Variants in PCBP3 observed in about 807,000 individuals in gnomAD.
PCBP3 encodes poly(rC) binding protein 3.
A neutral mutation model predicts 52.7 loss-of-function variants in PCBP3; 25 were observed. The observed-to-expected ratio is 0.47, with a 90% CI of 0.35 to 0.66. PCBP3 has a LOEUF of 0.66. Ranked by LOEUF, PCBP3 falls within the 30% of genes least tolerant of loss-of-function variation. The pLI, the probability that PCBP3 is intolerant of heterozygous loss-of-function variation, is 0.01. For missense variants in PCBP3, 391 were observed against 490.3 expected, an observed-to-expected ratio of 0.80 and a Z score of 1.91; for synonymous variants, 162 against 183.0, an observed-to-expected ratio of 0.89 and a Z score of 0.93.
At chr21:45,803,820 T>C (rs964277765) in intron 4 of PCBP3, among the ~76,000 whole-genome samples, 2 of 152,182 alleles carry the variant, frequency 1.3e-5, no homozygotes, top group Non-Finnish European at 2.9e-5. Context: ...GCTGCCATAG[T>C]CAGGCCTCGG....
intron 4 of PCBP3, among the ~76,000 whole-genome samples, chr21:45,811,658 G>C (rs1176561053): frequency 6.6e-6 from 1 of 152,174 alleles, no homozygotes; most frequent in South Asian, 2.1e-4. Flanking sequence ...CACCAGCTTT[G>C]TCTGGTATTG....
rs530032037 is a variant in PCBP3 at position 45,921,596 on chromosome 21, G to C, written c.717+3967G>C. On this transcript the variant is annotated intron_variant, in intron 13 of 17. Transcript: ENST00000681687. ...TTTGGGAGGCTGAGGCAGGTGGATC[G>C]CTTGAGCTCAGGAGTTTGAGACAAG... Among the ~76,000 whole-genome samples the C allele has an allele frequency of 1.4e-4, 22 of 152,298 alleles. 1 individual carries two copies. The East Asian group carries it at 4.1e-3, about 28-fold the overall frequency.
chr21:45,798,172 T>C (rs2092093886), intron 4 of PCBP3, among the ~76,000 whole-genome samples: 1 of 149,538 alleles, frequency 6.7e-6, no homozygotes, highest in South Asian at 2.1e-4. Flanking sequence ...CATGGATCCA[T>C]AGAGAGAGTG....
At chr21:45,906,890 G>A (rs1429355433) in intron 9 of PCBP3, among the ~76,000 whole-genome samples, 1 of 152,242 alleles carries the variant, frequency 6.6e-6, no homozygotes, top group East Asian at 1.9e-4. Context: ...AAACACGGCG[G>A]GTGATTTGAA....
intron 2 of PCBP3, among the ~76,000 whole-genome samples, chr21:45,722,670 A>C (rs1211511787): frequency 6.6e-6 from 1 of 152,172 alleles, no homozygotes; most frequent in Non-Finnish European, 1.5e-5. Context: ...ACACTTTCTT[A>C]GCAAAAATGT....
At position 45,781,781 on chromosome 21, in the gene PCBP3, A is replaced by G. The variant is rs558277145; in HGVS notation, c.-126+26329A>G. Among the ~76,000 whole-genome samples the G allele has an allele frequency of 3.3e-5, 5 of 152,370 alleles. No individual in the cohort carries two copies. In the South Asian group the frequency reaches 1.0e-3, roughly 32 times the overall value. On this transcript the variant is annotated intron_variant, in intron 4 of 17. Coordinates refer to ENST00000681687, the MANE Select transcript of PCBP3 (RefSeq NM_001384156.1). The stretch of plus-strand genomic sequence containing the variant: ...ATGGAATACTGAGTGAAGTGTATCC[A>G]TATAGGTGTGTACATATGTTAAAAC...
chr21:45,911,242 T>C (rs2096385823), intron 11 of PCBP3: 1 of 653,468 alleles, frequency 1.5e-6, no homozygotes, highest in African/African-American at 1.8e-5. Context: ...AGTGTCTTCG[T>C]GGGGGCGTCT....
chr21:45,823,489 C>T (rs1248699916), intron 4 of PCBP3, among the ~76,000 whole-genome samples: 3 of 152,156 alleles, frequency 2.0e-5, no homozygotes, highest in African/African-American at 7.2e-5. Context: ...TGCAGATTCC[C>T]TTTCATGTCC....
chr21:45,899,281 C>G (rs1231755872), intron 6 of PCBP3, among the ~76,000 whole-genome samples: 1 of 152,188 alleles, frequency 6.6e-6, no homozygotes, highest in Non-Finnish European at 1.5e-5. Flanking sequence ...AGCCTGAGTG[C>G]ATGGGTGATG....
At chr21:45,890,904 T>C (rs1185811855) in intron 5 of PCBP3, among the ~76,000 whole-genome samples, 15 of 146,224 alleles carry the variant, frequency 1.0e-4, no homozygotes, top group Admixed American at 1.0e-3. Flanking sequence ...CTGAGGGGAA[T>C]GTAGATAATA....
intron 4 of PCBP3, among the ~76,000 whole-genome samples, chr21:45,789,412 G>A (rs1022330882): frequency 5.9e-5 from 9 of 151,566 alleles, no homozygotes; most frequent in Non-Finnish European, 1.0e-4. Context: ...GTTTGTGATC[G>A]TGTCTTTTCA....
intron 16 of PCBP3, among the ~76,000 whole-genome samples, chr21:45,939,340 C>T (rs1331816405): frequency 1.3e-5 from 2 of 152,242 alleles, no homozygotes; most frequent in African/African-American, 4.8e-5. Flanking sequence ...CGACGCCCCT[C>T]ATGGCTGCCC....
chr21:45,902,312 C>T lies in PCBP3; in HGVS notation c.339+1199C>T, dbSNP rs113954007. 1.0e-3 allele frequency among the ~76,000 whole-genome samples: 54 copies of T among 52,932 alleles called. No homozygotes were observed. The African/African-American group carries it at 0.011, about 11-fold the overall frequency. 34.7% of individuals were successfully genotyped at this position (52,932 alleles called of 152,430 possible). On this transcript the variant is annotated intron_variant, in intron 9 of 17. Coordinates refer to ENST00000681687, the MANE Select transcript of PCBP3 (RefSeq NM_001384156.1). The stretch of plus-strand genomic sequence containing the variant: ...AGGTGGCCTGGCCTCCAAGGCTGGA[C>T]GCTGCAGACACTGGGGCCAGTGTTC...
intron 1 of PCBP3, among the ~76,000 whole-genome samples, chr21:45,667,022 C>A (rs2080841424): frequency 6.7e-6 from 1 of 148,248 alleles, no homozygotes; most frequent in South Asian, 2.1e-4. Flanking sequence ...TTCATATATT[C>A]TTTGTACCCC....
chr21:45,715,982 AATTT>A (rs1247798265), intron 2 of PCBP3, among the ~76,000 whole-genome samples: 2 of 152,128 alleles, frequency 1.3e-5, no homozygotes, highest in East Asian at 3.9e-4. Context: ...TTTTAAGCCC[AATTT>A]ATTTATTTTT....
chr21:45,691,523 T>A (rs1212129995), intron 2 of PCBP3, among the ~76,000 whole-genome samples: 1 of 150,484 alleles, frequency 6.6e-6, no homozygotes, highest in East Asian at 1.9e-4. Context: ...ATAGATGAAT[T>A]TGATTGTACA....
At position 45,791,151 on chromosome 21, in the gene PCBP3, A is replaced by C. The variant is rs539644006; in HGVS notation, c.-126+35699A>C. ...TCCATCCCAGGAAGCCCCTCACAACAAGGCTGTGTTGGTCGTCAGCCCAGC... is the reference window on the plus strand; with the variant it reads ...TCCATCCCAGGAAGCCCCTCACAACCAGGCTGTGTTGGTCGTCAGCCCAGC... On this transcript the variant is annotated intron_variant, in intron 4 of 17. Transcript: ENST00000681687. The surrounding 1 kb of genome is among the most constrained non-coding windows in gnomAD (Gnocchi z 4.2). Among the ~76,000 whole-genome samples, 5 of 152,252 alleles carry C rather than the reference A, an allele frequency of 3.3e-5. No individual in the cohort carries two copies. In the East Asian group the frequency reaches 9.7e-4, roughly 29 times the overall value.
intron 2 of PCBP3, among the ~76,000 whole-genome samples, chr21:45,703,897 CAT>C (rs2083284800): frequency 6.6e-6 from 1 of 152,118 alleles, no homozygotes; most frequent in Non-Finnish European, 1.5e-5. Context: ...GCAGTTGTCA[CAT>C]GAGGTTGCAG....
At position 45,736,592 on chromosome 21, in the gene PCBP3, C is replaced by T. The variant is rs1179909947; in HGVS notation, c.-162+1163C>T. ...TCGGAGAGATGGCATGGGGAGTTGG[C>T]AGGGGGAGGCTCTCGGAGAGATGGC... is the stretch of plus-strand genomic sequence containing the variant. On this transcript the variant is annotated intron_variant, in intron 3 of 17. Transcript: ENST00000681687. The surrounding 1 kb of genome is among the most constrained non-coding windows in gnomAD (Gnocchi z 4.6). Among the ~76,000 whole-genome samples, 1 of 151,624 alleles carries T rather than the reference C, an allele frequency of 6.6e-6. No homozygotes were observed. The highest frequency in any genetic ancestry group is 1.5e-5 in the Non-Finnish European group (1 of 67,888).
Sources: gnomAD v4.1 joint callset for allele counts (sites outside exome capture counted in the v4.1 genomes callset) on GRCh38, gnomAD v4.1.1 for gene constraint, Gnocchi (gnomAD v3.1) non-coding constraint, MANE v1.5 for transcripts, NCBI Gene and HGNC (gene_info 2026-07-23, HGNC 2026-07-21) for gene names.